Variants in TMEM94 observed in about 807,000 individuals in gnomAD.
TMEM94 encodes the protein transmembrane protein 94.
TMEM94 carries 81 observed loss-of-function variants against 158.6 expected under a neutral mutation model. The observed-to-expected ratio is 0.51, with a 90% CI of 0.43 to 0.61. The LOEUF is 0.61. Among genes scored for constraint, TMEM94 ranks in the 20% least tolerant of loss-of-function variants. The probability of loss-of-function intolerance (pLI) is 0.00; values close to 1 mark genes in which losing one functional copy is unlikely to be tolerated. For synonymous variants in TMEM94, 751 were observed against 730.7 expected (o/e 1.03, Z -0.45); for missense variants, 1,435 against 1,762.0 (o/e 0.81, Z 3.32).
At position 75,463,140 on chromosome 17, in the gene TMEM94, A is replaced by ATATATATATACGTATATATG. The variant is rs2050166672; in HGVS notation, c.-107+6397_-107+6398insTACGTATATATGTATATATA. Among the ~76,000 whole-genome samples the ATATATATATACGTATATATG allele has an allele frequency of 3.0e-5, 2 of 66,458 alleles. 1 individual carries two copies. The highest frequency in any genetic ancestry group is 2.3e-4 in the African/African-American group (2 of 8,802). The allele number at this position is 66,458 out of a possible 152,430, so 43.6% of individuals were successfully genotyped here. A position where few individuals can be genotyped will look rare whatever the true frequency, so the allele number is the denominator to read the frequency against. ...TGTATATATATACGTGTATATATGT[A>ATATATATATACGTATATATG]TATATATACACGTATATATATGTGT... On this transcript the variant is annotated intron_variant, in intron 1 of 31. Coordinates refer to ENST00000314256, the MANE Select transcript of TMEM94 (RefSeq NM_014738.6).
intron 2 of TMEM94, among the ~76,000 whole-genome samples, chr17:75,484,507 TC>T (rs1430629213): frequency 7.9e-5 from 12 of 151,922 alleles, no homozygotes; most frequent in African/African-American, 2.9e-4. Context: ...CAAGCAATCC[TC>T]CTGCCTCAGC....
chr17:75,490,213 G>T, intron 9 of TMEM94, 21 bp from the exon 10 acceptor site: 1 of 1,613,746 alleles, frequency 6.2e-7, no homozygotes. Context: ...GGAGCCATCT[G>T]TGTGGTCCGC....
At position 75,499,470 on chromosome 17, in the gene TMEM94, T is replaced by C; in HGVS notation, c.*136T>C. The C allele has an allele frequency of 1.3e-6, 1 of 784,322 alleles. No homozygotes were observed. The highest frequency in any genetic ancestry group is 2.1e-6 in the Non-Finnish European group (1 of 479,936). The allele number at this position is 784,322 out of a possible 1,614,324, so 48.6% of individuals were successfully genotyped here. On this transcript the variant is annotated 3_prime_UTR_variant, in exon 32 of 32. Coordinates refer to ENST00000314256, the MANE Select transcript of TMEM94 (RefSeq NM_014738.6). ...GTGGCACTGGAAACCCAGCTCCCCG[T>C]GTCAGACCCCGCTGTCTTCCTGAGC...
At chr17:75,463,436 C>T (rs952689767) in intron 1 of TMEM94, among the ~76,000 whole-genome samples, 2 of 151,998 alleles carry the variant, frequency 1.3e-5, no homozygotes, top group East Asian at 1.9e-4. Context: ...TTGCTGCTCT[C>T]TGAAATCCTT....
chr17:75,468,996 G>A (rs373847001), intron 1 of TMEM94, among the ~76,000 whole-genome samples: 9 of 152,140 alleles, frequency 5.9e-5, no homozygotes, highest in African/African-American at 2.2e-4. Context: ...TTAGAGTGAC[G>A]GCTGCCAGGA....
In TMEM94 at chr17:75,493,784, T is replaced by G; in HGVS notation, c.2275T>G (p.Ser759Ala). 6.2e-7 allele frequency: 1 copy of G among 1,614,048 alleles called. No individual in the cohort carries two copies. Among genetic ancestry groups the G allele is most frequent in the South Asian group, 1.1e-5 (1 of 91,086 alleles). The change falls in exon 18 of 32, where the codon TCC becomes GCC. Residue 759 changes from serine (S) to alanine (A), a missense_variant. Transcript: ENST00000314256. ...FAYKPMNCALSSQLNGKCIEL... is the reference protein window; with the variant it reads ...FAYKPMNCALASQLNGKCIEL... Reference sequence around the variant, plus strand: ...CTACAAGCCCATGAACTGCGCCCTGTCCTCTCAGCTCAATGGCAAGTGCAT... The same window carrying G: ...CTACAAGCCCATGAACTGCGCCCTGGCCTCTCAGCTCAATGGCAAGTGCAT...
At chr17:75,494,197 CA>C (rs2052477485) in intron 18 of TMEM94, among the ~76,000 whole-genome samples, 1 of 152,174 alleles carries the variant, frequency 6.6e-6, no homozygotes, top group Non-Finnish European at 1.5e-5. Context: ...GGGAAGTTAC[CA>C]AGCAGCGTTC....
In TMEM94 at chr17:75,473,060, T is replaced by G. The variant is rs1392975281; in HGVS notation, c.24+1131T>G. Among the ~76,000 whole-genome samples the G allele has an allele frequency of 2.0e-5, 3 of 152,148 alleles. No homozygotes were observed. In the East Asian group the frequency reaches 5.8e-4, roughly 29 times the overall value. ...ATGTAGCAAGGGCTTAGTACATATT[T>G]ATTGACCTGAACTTCTGAATAGTGA... On this transcript the variant is annotated intron_variant, in intron 2 of 31. Coordinates refer to ENST00000314256, the MANE Select transcript of TMEM94 (RefSeq NM_014738.6).
intron 1 of TMEM94, among the ~76,000 whole-genome samples, 153 bp from the exon 2 acceptor site, chr17:75,471,645 CAG>C (rs371328346): frequency 6.8e-4 from 103 of 151,022 alleles, no homozygotes; most frequent in African/African-American, 2.5e-3. Context: ...ACCCAGGAGA[CAG>C]AGTTTGCAGT....
At chr17:75,488,528 T>C (rs1029082159) in intron 6 of TMEM94, among the ~76,000 whole-genome samples, 2 of 152,166 alleles carry the variant, frequency 1.3e-5, no homozygotes, top group African/African-American at 4.8e-5. Flanking sequence ...GTGATCCACC[T>C]GCCTTGGCCT....
At chr17:75,465,679 A>ATATATATATATATATATAT (rs1247855961) in intron 1 of TMEM94, among the ~76,000 whole-genome samples, 18 of 124,792 alleles carry the variant, frequency 1.4e-4, no homozygotes, top group African/African-American at 6.0e-4. Context: ...ATATATATAT[A>ATATATATATATATATATAT]TTTTTTTTTA....
chr17:75,478,670 G>T (rs2050910076), intron 2 of TMEM94, among the ~76,000 whole-genome samples: 1 of 152,208 alleles, frequency 6.6e-6, no homozygotes, highest in African/African-American at 2.4e-5. Flanking sequence ...TTGGGCGTTT[G>T]TTGCCTGCCT....
chr17:75,485,529 G>A lies in TMEM94; in HGVS notation c.126G>A (p.Lys42=). 6.2e-7 allele frequency: 1 copy of A among 1,614,226 alleles called. No individual in the cohort carries two copies. Among genetic ancestry groups the A allele is most frequent in the African/African-American group, 1.3e-5 (1 of 75,066 alleles). ...TGGAAGGACATCTCAGGGAGCGGAA[G>A]AAGTGTCTGACGTGGAAGGTGAAGC... ...AVLEGHLRER[K]KCLTWKEVWR... Residue 42 remains lysine (K), a synonymous_variant, in exon 3 of 32, where the codon AAG becomes AAA. Transcript: ENST00000314256. This position sits in a 1 kb window ranked among gnomAD's most constrained non-coding sequence, Gnocchi z 5.5.
At position 75,489,580 on chromosome 17, in the gene TMEM94, G is replaced by C; in HGVS notation, c.872G>C (p.Gly291Ala). The change falls in exon 9 of 32, where the codon GGC becomes GCC. Residue 291 changes from glycine (G) to alanine (A), a missense_variant. By Grantham distance (60) the Gly-to-Ala change is moderately conservative. Transcript: ENST00000314256. This position sits in a 1 kb window ranked among gnomAD's most constrained non-coding sequence, Gnocchi z 5.0. ...LHYAVPVVLA[G>A]FLITNALRFI... ...TGCCTCTGCTGTTCCCAACAGGCCGGCTTCCTCATCACCAATGCCCTGCGC... is the reference window on the plus strand; with the variant it reads ...TGCCTCTGCTGTTCCCAACAGGCCGCCTTCCTCATCACCAATGCCCTGCGC... 1 of 1,613,928 alleles carries C rather than the reference G, an allele frequency of 6.2e-7. No individual in the cohort carries two copies. Among genetic ancestry groups the C allele is most frequent in the Non-Finnish European group, 8.5e-7 (1 of 1,179,902 alleles).
intron 1 of TMEM94, among the ~76,000 whole-genome samples, chr17:75,461,191 C>T (rs150977780): frequency 5.1e-4 from 77 of 151,384 alleles, no homozygotes; most frequent in African/African-American, 1.8e-3. Context: ...TCTCCGCCTC[C>T]CGAGTTCAAG....
chr17:75,495,746 T>C lies in TMEM94; in HGVS notation c.2944+103T>C, dbSNP rs1241538637. On this transcript the variant is annotated intron_variant, in intron 22 of 31. Transcript: ENST00000314256. The surrounding 1 kb of genome is among the most constrained non-coding windows in gnomAD (Gnocchi z 5.6). ...GCTCTGGAGGGATGTAGGTTTCCCATGCAGGGAGTAAAGGAACCTGGGCTG... is the reference window on the plus strand; with the variant it reads ...GCTCTGGAGGGATGTAGGTTTCCCACGCAGGGAGTAAAGGAACCTGGGCTG... 10 of 1,150,432 alleles carry C rather than the reference T, an allele frequency of 8.7e-6. No homozygotes were observed. The highest frequency in any genetic ancestry group is 1.9e-5 in the Admixed American group (1 of 52,112). 71.3% of individuals were successfully genotyped at this position (1,150,432 alleles called of 1,614,324 possible). A position where few individuals can be genotyped will look rare whatever the true frequency, so the allele number is the denominator to read the frequency against.
At chr17:75,470,687 A>G (rs2146219461) in intron 1 of TMEM94, among the ~76,000 whole-genome samples, 1 of 151,910 alleles carries the variant, frequency 6.6e-6, no homozygotes, top group Middle Eastern at 3.4e-3. Context: ...CCTGGGCGAC[A>G]GAGCGAGACT....
At position 75,489,378 on chromosome 17, in the gene TMEM94, GC is replaced by G. The variant is rs1435141316; in HGVS notation, c.867+11del. 9.9e-6 allele frequency: 16 copies of G among 1,609,810 alleles called. No homozygotes were observed. The highest frequency in any genetic ancestry group is 1.4e-5 in the Non-Finnish European group (16 of 1,176,222). ...TGTGCCCGTGGTCCTGGTGCGTGTG[GC>G]GGGGCTGTGCGGGGCTGCATGGGGC... On this transcript the variant is annotated intron_variant, in intron 8 of 31. Coordinates refer to ENST00000314256, the MANE Select transcript of TMEM94 (RefSeq NM_014738.6). This position sits in a 1 kb window ranked among gnomAD's most constrained non-coding sequence, Gnocchi z 5.0.
intron 2 of TMEM94, among the ~76,000 whole-genome samples, chr17:75,480,607 A>G (rs1254622136): frequency 6.6e-6 from 1 of 152,212 alleles, no homozygotes; most frequent in African/African-American, 2.4e-5. Context: ...ACGAGAATCA[A>G]TGAATGTCCA....
Sources: allele counts gnomAD v4.1 joint callset (sites outside exome capture counted in the v4.1 genomes callset), GRCh38; gene constraint gnomAD v4.1.1; non-coding constraint Gnocchi (gnomAD v3.1); transcripts MANE v1.5; gene names NCBI Gene and HGNC (gene_info 2026-07-23, HGNC 2026-07-21).